Variants in PPFIA1 observed in about 807,000 individuals in gnomAD.
The protein encoded by PPFIA1 is liprin-alpha-1.
PPFIA1 carries 25 observed loss-of-function variants against 149.9 expected under a neutral mutation model. The ratio of observed to expected loss-of-function variants is 0.17; its 90% CI spans 0.12 to 0.23. The LOEUF (loss-of-function observed/expected upper bound fraction) is 0.23. Ranked by LOEUF, PPFIA1 falls within the 10% of genes least tolerant of loss-of-function variation. The pLI, the probability that PPFIA1 is intolerant of heterozygous loss-of-function variation, is 1.00. For missense variants in PPFIA1, 1,362 were observed against 1,506.5 expected (o/e 0.90, Z 1.59); for synonymous variants, 549 against 552.8 (o/e 0.99, Z 0.10).
intron 6 of PPFIA1, 41 bp from the exon 7 acceptor site, chr11:70,326,556 C>A (rs751185322): frequency 6.7e-7 from 1 of 1,498,106 alleles, no homozygotes; most frequent in Non-Finnish European, 9.2e-7. Flanking sequence ...TTATAGCTCA[C>A]CAAACAAGGG....
At chr11:70,369,214 T>C (rs1167896187) in intron 21 of PPFIA1, among the ~76,000 whole-genome samples, 1 of 152,242 alleles carries the variant, frequency 6.6e-6, no homozygotes, top group Admixed American at 6.5e-5. Context: ...ACAAATCTTG[T>C]CAAATGCTTT....
At chr11:70,271,126 C>T (rs917360554) in intron 1 of PPFIA1, 1 of 152,000 alleles carries the variant, frequency 6.6e-6, no homozygotes, top group Admixed American at 6.5e-5. Flanking sequence ...TGCGCGCTGC[C>T]CCTCCCCGAG....
In PPFIA1 at chr11:70,375,132, G is replaced by A. The variant is rs139299633; in HGVS notation, c.3315+39G>A. 7,778 of 1,213,666 alleles carry A rather than the reference G, an allele frequency of 6.4e-3. 33 individuals are homozygous for A. Among genetic ancestry groups the A allele is most frequent in the Middle Eastern group, 0.01 (45 of 4,374 alleles). 75.2% of individuals were successfully genotyped at this position (1,213,666 alleles called of 1,614,324 possible). A position where few individuals can be genotyped will look rare whatever the true frequency, so the allele number is the denominator to read the frequency against. On this transcript the variant is annotated intron_variant, in intron 24 of 27. Coordinates refer to ENST00000253925, the MANE Select transcript of PPFIA1 (RefSeq NM_003626.5). ...TGTCTGTGTCTGCACTCATTGTTCA[G>A]TTGGCACCCTGATTATAGACAGCTA... is the stretch of plus-strand genomic sequence containing the variant.
In PPFIA1 at chr11:70,344,272, C is replaced by G. The variant is rs139272212; in HGVS notation, c.1931+380C>G. ...CTGAGCACATCTGGAGGAGGCTGATCGGCCTACCTTCCTGATCCAGAGTGC... is the reference window on the plus strand; with the variant it reads ...CTGAGCACATCTGGAGGAGGCTGATGGGCCTACCTTCCTGATCCAGAGTGC... On this transcript the variant is annotated intron_variant, in intron 15 of 27. Transcript: ENST00000253925. Among the ~76,000 whole-genome samples, 522 of 152,318 alleles carry G rather than the reference C, an allele frequency of 3.4e-3. 1 individual carries two copies. The highest frequency in any genetic ancestry group is 5.6e-3 in the Non-Finnish European group (378 of 68,040).
intron 2 of PPFIA1, among the ~76,000 whole-genome samples, chr11:70,292,052 T>C (rs2051568500): frequency 4.6e-5 from 7 of 152,052 alleles, no homozygotes; most frequent in Admixed American, 4.6e-4. Flanking sequence ...TTAGCCAGGA[T>C]GGTCTGGATC....
intron 2 of PPFIA1, among the ~76,000 whole-genome samples, chr11:70,284,232 TACTG>T (rs948385948): frequency 6.6e-6 from 1 of 152,238 alleles, no homozygotes; most frequent in African/African-American, 2.4e-5. Context: ...TCATCTGCTT[TACTG>T]ACTGTTTCTT....
At chr11:70,297,083 A>T (rs1485064288) in intron 2 of PPFIA1, among the ~76,000 whole-genome samples, 1 of 152,174 alleles carries the variant, frequency 6.6e-6, no homozygotes, top group Non-Finnish European at 1.5e-5. Flanking sequence ...TTTCCCTGTA[A>T]TTCCCAAAGT....
chr11:70,351,012 C>A, intron 16 of PPFIA1: 1 of 1,254,480 alleles, frequency 8.0e-7, no homozygotes, highest in Non-Finnish European at 1.0e-6. Context: ...TTTAAGGAAA[C>A]ATCGTAGAAA....
intron 9 of PPFIA1, 58 bp from the exon 10 acceptor site, chr11:70,333,412 C>A: frequency 7.3e-7 from 1 of 1,365,022 alleles, no homozygotes; most frequent in Non-Finnish European, 1.0e-6. Context: ...CAGTGGTATG[C>A]AGCATGTCGT....
intron 3 of PPFIA1, 68 bp downstream of exon 3, chr11:70,324,571 A>C (rs766083683): frequency 7.5e-7 from 1 of 1,328,560 alleles, no homozygotes; most frequent in African/African-American, 1.5e-5. Context: ...CGGTGTGTCA[A>C]AACGAAAGGA....
chr11:70,318,082 C>T, intron 2 of PPFIA1, among the ~76,000 whole-genome samples: 1 of 152,134 alleles, frequency 6.6e-6, no homozygotes, highest in Non-Finnish European at 1.5e-5. Flanking sequence ...GAAACCACCC[C>T]ATTCAGTCCG....
rs151119702 is a variant in PPFIA1 at position 70,290,703 on chromosome 11, G to T, written c.264+18267G>T. On this transcript the variant is annotated intron_variant, in intron 2 of 27. Transcript: ENST00000253925. ...AAAATTTGGGAGCTTGAAGCATATTGTACATTTCCAAGTTTTTCTGCTTTG... is the reference window on the plus strand; with the variant it reads ...AAAATTTGGGAGCTTGAAGCATATTTTACATTTCCAAGTTTTTCTGCTTTG... 7.2e-5 allele frequency among the ~76,000 whole-genome samples: 11 copies of T among 152,272 alleles called. 1 individual carries two copies. In the East Asian group the frequency reaches 2.1e-3, roughly 29 times the overall value.
At chr11:70,333,868 C>T (rs917375993) in intron 10 of PPFIA1, among the ~76,000 whole-genome samples, 3 of 152,158 alleles carry the variant, frequency 2.0e-5, no homozygotes, top group Non-Finnish European at 4.4e-5. Context: ...GCTGTGGTAC[C>T]GGCGTGGCCC....
chr11:70,353,208 A>G (rs1006108348), intron 16 of PPFIA1, among the ~76,000 whole-genome samples: 4 of 152,084 alleles, frequency 2.6e-5, no homozygotes, highest in Non-Finnish European at 5.9e-5. Flanking sequence ...AATCCCATTT[A>G]AGAAGCAGAA....
chr11:70,359,049 C>T (rs2056504042), intron 19 of PPFIA1, among the ~76,000 whole-genome samples: 1 of 152,246 alleles, frequency 6.6e-6, no homozygotes, highest in Non-Finnish European at 1.5e-5. Context: ...TCACCAGCCA[C>T]AGGCTCTATG....
chr11:70,365,749 C>G (rs1038351010), intron 21 of PPFIA1: 3 of 359,316 alleles, frequency 8.3e-6, no homozygotes, highest in African/African-American at 6.4e-5. Context: ...ATGCTTGGCA[C>G]GGAGAGAGTC....
chr11:70,337,949 C>T (rs1255204495), intron 12 of PPFIA1, among the ~76,000 whole-genome samples: 4 of 152,156 alleles, frequency 2.6e-5, no homozygotes, highest in Non-Finnish European at 5.9e-5. Context: ...TTGGACAGCA[C>T]AGCTCTAGAA....
chr11:70,361,296 G>A (rs1394574557), intron 19 of PPFIA1, among the ~76,000 whole-genome samples: 4 of 152,188 alleles, frequency 2.6e-5, no homozygotes, highest in African/African-American at 9.7e-5. Context: ...GGAAGCTTAA[G>A]TCTCCTGTAT....
rs374865980 is a variant in PPFIA1 at position 70,326,775 on chromosome 11, A to G, written c.887A>G (p.Lys296Arg). Residue 296 changes from lysine to arginine, a missense_variant, in exon 7 of 28, where the codon AAA becomes AGA. Physicochemically the swap from Lys to Arg is conservative, Grantham distance 26. Coordinates refer to ENST00000253925, the MANE Select transcript of PPFIA1 (RefSeq NM_003626.5). ...DLDTARKDLI[K>R]SEEMNTKLQR... ...GACACGGCTAGAAAAGATCTCATCA[A>G]ATCTGAAGAAATGAACACAAAATTG... 3.5e-5 allele frequency: 57 copies of G among 1,614,214 alleles called. No individual in the cohort carries two copies. The South Asian group carries it at 4.9e-4, about 14-fold the overall frequency.
Sources: gnomAD v4.1 joint callset for allele counts (sites outside exome capture counted in the v4.1 genomes callset) on GRCh38, gnomAD v4.1.1 for gene constraint, MANE v1.5 for transcripts, NCBI Gene and HGNC (gene_info 2026-07-23, HGNC 2026-07-21) for gene names.